Variants in MAGEA10 observed in about 807,000 individuals in gnomAD.
The protein encoded by MAGEA10 is melanoma-associated antigen 10.
MAGEA10 carries 7 observed loss-of-function variants against 8.6 expected under a neutral mutation model. The ratio of observed to expected loss-of-function variants is 0.82; its 90% confidence interval spans 0.46 to 1.53. MAGEA10 has a LOEUF of 1.53. Ranked by LOEUF, MAGEA10 falls within the 40% of genes most tolerant of loss-of-function variation. The pLI is 0.01. For synonymous variants in MAGEA10, 125 were observed against 107.4 expected (o/e 1.16, Z -1.02); for missense variants, 293 against 274.0 (o/e 1.07, Z -0.49).
chrX:152,135,441 G>A lies in MAGEA10; in HGVS notation c.180C>T (p.Ser60=), dbSNP rs767169087. ...SSFPSSSSSS[S]SSCYPLIPST... ...TTGGTATTAGAGGATAGCAGGAGGA[G>A]GAGGAGGAAGAGGAGGAGGAGGGAA... The change falls in exon 4 of 4, where the codon TCC becomes TCT. Residue 60 remains serine, a synonymous_variant. Transcript: ENST00000370323. 1 of 1,195,342 alleles carries A rather than the reference G, an allele frequency of 8.4e-7. No individual in the cohort carries two copies. Among genetic ancestry groups the A allele is most frequent in the Non-Finnish European group, 1.1e-6 (1 of 887,668 alleles).
intron 2 of MAGEA10, chrX:152,136,161 TG>T (rs1936669696): frequency 8.9e-6 from 1 of 111,906 alleles, no homozygotes; most frequent in Admixed American, 9.4e-5. Flanking sequence ...GAGGGTGGGC[TG>T]GACTCTGTGA....
In MAGEA10 at chrX:152,135,461, A is replaced by G. The variant is rs1183097912; in HGVS notation, c.160T>C (p.Ser54Pro). 8.4e-7 allele frequency: 1 copy of G among 1,197,207 alleles called. No homozygotes were observed. Among genetic ancestry groups the G allele is most frequent in the East Asian group, 3.0e-5 (1 of 33,716 alleles). Residue 54 changes from serine (S) to proline (P), a missense_variant, in exon 4 of 4, where the codon TCC (serine) becomes CCC (proline). Transcript: ENST00000370323. The stretch of plus-strand genomic sequence containing the variant: ...GAGGAGGAGGAGGAAGAGGAGGAGG[A>G]GGGAAAAGAGGATGGAAAAGAGGAG... ...TSSSFPSSFP[S>P]SSSSSSSSCY...
chrX:152,134,445 ACATATGAGTAAAAT>A lies in MAGEA10; in HGVS notation c.*52_*65del. 1.1e-6 allele frequency: 1 copy of A among 874,367 alleles called. No individual in the cohort carries two copies. Among genetic ancestry groups the A allele is most frequent in the Non-Finnish European group, 1.6e-6 (1 of 642,995 alleles). 72.1% of individuals were successfully genotyped at this position (874,367 alleles called of 1,213,427 possible). A position where few individuals can be genotyped will look rare whatever the true frequency, so the allele number is the denominator to read the frequency against. On this transcript the variant is annotated 3_prime_UTR_variant, in exon 4 of 4. Coordinates refer to ENST00000370323, the MANE Select transcript of MAGEA10 (RefSeq NM_021048.5). Reference sequence around the variant, plus strand: ...TTTTTTTTTTTTTTTTTTAGATTCCACATATGAGTAAAATCATGTGGTATTTGACTTGCCTTTTA... The same window carrying A: ...TTTTTTTTTTTTTTTTTTAGATTCCACATGTGGTATTTGACTTGCCTTTTA...
Position 152,135,293 on chromosome X carries a change from T to C in MAGEA10, c.328A>G (p.Ser110Gly), listed in dbSNP as rs867009635. ...LPLDQSDEGS[S>G]SQKEESPSTL... ...CTTGGACTCTCCTCCTTTTGGCTGC[T>C]GGAGCCCTCATCAGATTGATCTAAT... Residue 110 changes from serine (S) to glycine (G), a missense_variant, in exon 4 of 4, where the codon AGC (serine) becomes GGC (glycine). Transcript: ENST00000370323. The C allele has an allele frequency of 7.4e-6, 9 of 1,211,125 alleles. No homozygotes were observed. In the Middle Eastern group the frequency reaches 2.1e-3, roughly 278 times the overall value.
chrX:152,136,421 C>T (rs1030844985), intron 2 of MAGEA10, among the ~76,000 whole-genome samples: 6 of 111,229 alleles, frequency 5.4e-5, no homozygotes, highest in African/African-American at 2.0e-4. Context: ...GAGGAGCCTG[C>T]TTGGTCCTCT....
Position 152,135,702 on chromosome X carries a change from G to A in MAGEA10, c.-65-17C>T. On this transcript the variant is annotated splice_polypyrimidine_tract_variant and intron_variant, in intron 3 of 3. Coordinates refer to ENST00000370323, the MANE Select transcript of MAGEA10 (RefSeq NM_021048.5). Reference sequence around the variant, plus strand: ...CCCACAGGCCTGGGGAGAGAGGGAGGGTGTAAGTGGCCACAGCTGAGAACC... The same window carrying A: ...CCCACAGGCCTGGGGAGAGAGGGAGAGTGTAAGTGGCCACAGCTGAGAACC... The A allele has an allele frequency of 1.1e-6, 1 of 923,414 alleles. No individual in the cohort carries two copies. The highest frequency in any genetic ancestry group is 1.5e-6 in the Non-Finnish European group (1 of 683,163). The allele number at this position is 923,414 out of a possible 1,213,427, so 76.1% of individuals were successfully genotyped here.
In MAGEA10 at chrX:152,135,558, C is replaced by T; in HGVS notation, c.63G>A (p.Glu21=). 8.7e-7 allele frequency: 1 copy of T among 1,153,897 alleles called. No individual in the cohort carries two copies. Among genetic ancestry groups the T allele is most frequent in the South Asian group, 2.1e-5 (1 of 47,982 alleles). The change falls in exon 4 of 4, where the codon GAG becomes GAA. Residue 21 remains glutamate (E), a synonymous_variant. Coordinates refer to ENST00000370323, the MANE Select transcript of MAGEA10 (RefSeq NM_021048.5). ...CCTGTGCACCCTCGAGGCCCTGTGT[C>T]TCACTTTGGGATTGAAGATCTTCTT... The part of the protein sequence containing the change: ...MPEEDLQSQS[E]TQGLEGAQAP...
rs1936616358 is a variant in MAGEA10 at position 152,134,343 on chromosome X, T to C, written c.*168A>G. On this transcript the variant is annotated 3_prime_UTR_variant, in exon 4 of 4. Transcript: ENST00000370323. Reference sequence around the variant, plus strand: ...TAACTATAGTCATCCTACTGTGCAATAGAACACTAGAACTTATTCCTCCTA... The same window carrying C: ...TAACTATAGTCATCCTACTGTGCAACAGAACACTAGAACTTATTCCTCCTA... 3 of 431,341 alleles carry C rather than the reference T, an allele frequency of 7.0e-6. No homozygotes were observed. Among genetic ancestry groups the C allele is most frequent in the South Asian group, 9.1e-5 (2 of 21,967 alleles). 35.5% of individuals were successfully genotyped at this position (431,341 alleles called of 1,213,427 possible). A position where few individuals can be genotyped will look rare whatever the true frequency, so the allele number is the denominator to read the frequency against.
chrX:152,135,626 C>A lies in MAGEA10; in HGVS notation c.-6G>T. ...CGCTTTGGAGCTCGAGGCATGATGA[C>A]TCTGATCAGGGTAGCAGGTGGGAGT... On this transcript the variant is annotated 5_prime_UTR_variant, in exon 4 of 4. Coordinates refer to ENST00000370323, the MANE Select transcript of MAGEA10 (RefSeq NM_021048.5). The A allele has an allele frequency of 8.8e-7, 1 of 1,133,352 alleles. No homozygotes were observed. The highest frequency in any genetic ancestry group is 1.2e-6 in the Non-Finnish European group (1 of 858,221). The allele number at this position is 1,133,352 out of a possible 1,213,427, so 93.4% of individuals were successfully genotyped here. A position where few individuals can be genotyped will look rare whatever the true frequency, so the allele number is the denominator to read the frequency against.
Position 152,135,024 on chromosome X carries a change from G to A in MAGEA10, c.597C>T (p.His199=). 1 of 1,211,584 alleles carries A rather than the reference G, an allele frequency of 8.3e-7. No homozygotes were observed. Among genetic ancestry groups the A allele is most frequent in the Non-Finnish European group, 1.1e-6 (1 of 895,320 alleles). ...CCAGGGAGGTGACAAGGACAAAGGA[G>A]TGGCCAGTGGGATCCACTTCCTTTA... The part of the protein sequence containing the change: ...IDVKEVDPTG[H]SFVLVTSLGL... Residue 199 remains histidine, a synonymous_variant, in exon 4 of 4, where the codon CAC becomes CAT. Coordinates refer to ENST00000370323, the MANE Select transcript of MAGEA10 (RefSeq NM_021048.5).
In MAGEA10 at chrX:152,134,623, G is replaced by A. The variant is rs1936624333; in HGVS notation, c.998C>T (p.Ala333Val). ...GGCTCTCTCTTCCTCATCTTTCAAA[G>A]CCTCCTCATACCACAGTGGGAAGGA... Reference protein sequence around the residue: ...PRSFPLWYEEALKDEEERAQD... With the variant: ...PRSFPLWYEEVLKDEEERAQD... Residue 333 changes from alanine (A) to valine (V), a missense_variant, in exon 4 of 4, where the codon GCT becomes GTT. Physicochemically the swap from Ala to Val is moderately conservative, Grantham distance 64 (BLOSUM62 0). Coordinates refer to ENST00000370323, the MANE Select transcript of MAGEA10 (RefSeq NM_021048.5). The A allele has an allele frequency of 8.3e-7, 1 of 1,209,892 alleles. No individual in the cohort carries two copies. The highest frequency in any genetic ancestry group is 1.1e-6 in the Non-Finnish European group (1 of 894,425).
At chrX:152,136,303 C>T (rs1427910551) in intron 2 of MAGEA10, among the ~76,000 whole-genome samples, 2 of 111,537 alleles carry the variant, frequency 1.8e-5, no homozygotes, top group Admixed American at 9.4e-5. Context: ...ATCCCTGATA[C>T]GAAATAGAAG....
Position 152,135,349 on chromosome X carries a change from C to A in MAGEA10, c.272G>T (p.Cys91Phe), listed in dbSNP as rs748376871. The A allele has an allele frequency of 3.3e-6, 4 of 1,207,496 alleles. No individual in the cohort carries two copies. Among genetic ancestry groups the A allele is most frequent in the African/African-American group, 1.8e-5 (1 of 56,835 alleles). ...GGAAGCAACGACCGAGGGGGAGGAG[C>A]AGGCTATCTGAGCACTCTGGGGAGG... ...PNPPQSAQIA[C>F]SSPSVVASLP... Residue 91 changes from cysteine (C) to phenylalanine (F), a missense_variant, in exon 4 of 4, where the codon TGC (cysteine) becomes TTC (phenylalanine). Coordinates refer to ENST00000370323, the MANE Select transcript of MAGEA10 (RefSeq NM_021048.5).
chrX:152,138,185 C>T (rs952811306), intron 1 of MAGEA10, among the ~76,000 whole-genome samples: 1 of 110,969 alleles, frequency 9.0e-6, no homozygotes, highest in Non-Finnish European at 1.9e-5. Flanking sequence ...TTCCCAGGGC[C>T]GACATCAGGG....
rs1470222980 is a variant in MAGEA10, at chrX:152,136,511, A to C, written c.-140+360T>G. Among the ~76,000 whole-genome samples, 6 of 110,831 alleles carry C rather than the reference A, an allele frequency of 5.4e-5. No individual in the cohort carries two copies. In the East Asian group the frequency reaches 1.7e-3, roughly 32 times the overall value. On this transcript the variant is annotated intron_variant, in intron 2 of 3. Transcript: ENST00000370323. ...CTTAAACCAAGGTCCTACCTCCAGG[A>C]GACATGGAAAGAGGAAGTGAGGGGA...
rs1000679200 is a variant in MAGEA10, at chrX:152,136,920, G to A, written c.-189C>T. Reference sequence around the variant, plus strand: ...CCCACTGTGTCTGTAGAAAAGAGGGGTTCCCTGTGTTGACTTGAGTCACCC... The same window carrying A: ...CCCACTGTGTCTGTAGAAAAGAGGGATTCCCTGTGTTGACTTGAGTCACCC... On this transcript the variant is annotated 5_prime_UTR_variant, in exon 2 of 4. Transcript: ENST00000370323. 6 of 111,514 alleles carry A rather than the reference G, an allele frequency of 5.4e-5. No individual in the cohort carries two copies. The highest frequency in any genetic ancestry group is 2.0e-4 in the African/African-American group (6 of 30,576). 9.2% of individuals were successfully genotyped at this position (111,514 alleles called of 1,213,427 possible).
chrX:152,134,541 G>A lies in MAGEA10; in HGVS notation c.1080C>T (p.Ser360=), dbSNP rs138141548. Residue 360 remains serine, a synonymous_variant, in exon 4 of 4, where the codon AGC becomes AGT. Coordinates refer to ENST00000370323, the MANE Select transcript of MAGEA10 (RefSeq NM_021048.5). ...DTTAMASASS[S]ATGSFSYPE ...CAGGGTAGGAGAAGCTACCTGTAGC[G>A]CTAGAACTTGCACTGGCCATGGCAG... 3.6e-5 allele frequency: 44 copies of A among 1,205,480 alleles called. No individual in the cohort carries two copies. In the Middle Eastern group the frequency reaches 1.6e-3, roughly 44 times the overall value.
At chrX:152,137,946 C>T (rs6627212) in intron 1 of MAGEA10, among the ~76,000 whole-genome samples, 1 of 110,712 alleles carries the variant, frequency 9.0e-6, no homozygotes, top group African/African-American at 3.3e-5. Context: ...AGACCTGAGT[C>T]ACCGTCCCTT....
At chrX:152,137,812 C>A (rs1373608560) in intron 1 of MAGEA10, among the ~76,000 whole-genome samples, 1 of 110,338 alleles carries the variant, frequency 9.1e-6, no homozygotes, top group Non-Finnish European at 1.9e-5. Context: ...CATGGGCCAC[C>A]GTGCCTGAAA....
Sources: allele counts gnomAD v4.1 joint callset (sites outside exome capture counted in the v4.1 genomes callset), GRCh38; gene constraint gnomAD v4.1.1; transcripts MANE v1.5; gene names NCBI Gene and HGNC (gene_info 2026-07-23, HGNC 2026-07-21).